The following FOXP1 variants were observed in gnomAD, a reference collection of about 807,000 sequenced individuals.
FOXP1 encodes the protein forkhead box protein P1.
Under a neutral mutation model 98.2 loss-of-function variants are expected in FOXP1, and 15 were observed. The observed-to-expected ratio is 0.15, with a 90% CI of 0.10 to 0.24. The LOEUF (loss-of-function observed/expected upper bound fraction) is 0.24, where lower values mean the gene tolerates loss of function less well. FOXP1 is among the 10% of genes least tolerant of loss of function. The probability of loss-of-function intolerance (pLI) is 1.00; values close to 1 mark genes in which losing one functional copy is unlikely to be tolerated. For synonymous variants in FOXP1, 371 were observed against 314.5 expected, an observed-to-expected ratio of 1.18 and a Z score of -1.90; for missense variants, 633 against 848.5, an observed-to-expected ratio of 0.75 and a Z score of 3.15.
chr3:71,290,170 T>C (rs1398744416), intron 5 of FOXP1, among the ~76,000 whole-genome samples: 1 of 152,126 alleles, frequency 6.6e-6, no homozygotes, highest in African/African-American at 2.4e-5. Context: ...CCTCCAAAAC[T>C]GCCCCACCCA....
At chr3:71,493,336 G>C (rs1407179108) in intron 3 of FOXP1, 90 bp downstream of exon 3, 1 of 152,270 alleles carries the variant, frequency 6.6e-6, no homozygotes, top group South Asian at 2.1e-4. Flanking sequence ...TTCAAGATAA[G>C]AATCTCTCAT....
intron 20 of FOXP1, among the ~76,000 whole-genome samples, chr3:70,962,254 A>C (rs2033717242): frequency 6.6e-6 from 1 of 152,074 alleles, no homozygotes; most frequent in African/African-American, 2.4e-5. Context: ...GCATTTGAGG[A>C]TCATCTTTCT....
intron 2 of FOXP1, among the ~76,000 whole-genome samples, chr3:71,565,338 A>G (rs1458311589): frequency 6.6e-6 from 1 of 152,152 alleles, no homozygotes; most frequent in Non-Finnish European, 1.5e-5. Flanking sequence ...TACCTTTGAA[A>G]CAGTACTTTA....
chr3:71,234,151 A>T (rs1390981620), intron 5 of FOXP1, among the ~76,000 whole-genome samples: 3 of 108,614 alleles, frequency 2.8e-5, no homozygotes, highest in Non-Finnish European at 5.6e-5. Context: ...CATGTTTAAT[A>T]TTATAAGTAA....
chr3:70,992,982 G>C (rs1169719756), intron 13 of FOXP1, among the ~76,000 whole-genome samples: 1 of 152,150 alleles, frequency 6.6e-6, no homozygotes, highest in Non-Finnish European at 1.5e-5. Context: ...CGCTAGTATA[G>C]GAACTGTCCT....
At chr3:71,263,145 C>T (rs2069318985) in intron 5 of FOXP1, among the ~76,000 whole-genome samples, 1 of 152,150 alleles carries the variant, frequency 6.6e-6, no homozygotes. Flanking sequence ...TCACCCTGGG[C>T]TAGGTCACAG....
intron 14 of FOXP1, among the ~76,000 whole-genome samples, chr3:70,983,385 C>G (rs1291897153): frequency 6.6e-6 from 1 of 152,138 alleles, no homozygotes; most frequent in East Asian, 1.9e-4. Flanking sequence ...TTCTCCAACT[C>G]TAAAGCAAGG....
At chr3:71,015,397 C>A in intron 12 of FOXP1, 152 bp downstream of exon 12, 1 of 602,224 alleles carries the variant, frequency 1.7e-6, no homozygotes, top group Non-Finnish European at 3.1e-6. Context: ...TGTAACTATT[C>A]CTATGACAGT....
chr3:71,529,028 T>C (rs1042316589), intron 2 of FOXP1, among the ~76,000 whole-genome samples: 1 of 152,166 alleles, frequency 6.6e-6, no homozygotes, highest in African/African-American at 2.4e-5. Flanking sequence ...GTGTACTCTA[T>C]CTATAAGGCT....
chr3:71,525,718 T>C (rs1402950867), intron 2 of FOXP1, among the ~76,000 whole-genome samples: 1 of 152,214 alleles, frequency 6.6e-6, no homozygotes, highest in African/African-American at 2.4e-5. Flanking sequence ...TACTGGCAAG[T>C]GATTTTCTAA....
intron 6 of FOXP1, among the ~76,000 whole-genome samples, chr3:71,190,644 A>AC (rs1330121128): frequency 2.7e-5 from 4 of 150,384 alleles, no homozygotes; most frequent in Non-Finnish European, 5.9e-5. Flanking sequence ...TCTCCAAAAA[A>AC]AAAAAAAAAA....
chr3:71,143,611 A>C (rs2060170862), intron 6 of FOXP1, among the ~76,000 whole-genome samples: 1 of 152,186 alleles, frequency 6.6e-6, no homozygotes, highest in African/African-American at 2.4e-5. Context: ...TACATAAATT[A>C]GGCTGGGCAC....
intron 6 of FOXP1, among the ~76,000 whole-genome samples, chr3:71,162,575 G>T (rs897489315): frequency 6.6e-6 from 1 of 152,154 alleles, no homozygotes; most frequent in Non-Finnish European, 1.5e-5. Flanking sequence ...AGCAGAGAAC[G>T]TCATAAACAA....
At chr3:71,190,399 C>T (rs544756467) in intron 6 of FOXP1, among the ~76,000 whole-genome samples, 32 of 151,678 alleles carry the variant, frequency 2.1e-4, no homozygotes, top group Admixed American at 1.1e-3. Flanking sequence ...TCGCTTGAGC[C>T]CAGGAGTTCA....
Position 71,250,099 on chromosome 3 carries a change from C to T in FOXP1, c.-12+49721G>A, listed in dbSNP as rs147909477. Among the ~76,000 whole-genome samples the T allele has an allele frequency of 2.5e-3, 386 of 152,330 alleles. 1 individual carries two copies. The highest frequency in any genetic ancestry group is 8.7e-3 in the African/African-American group (362 of 41,580). On this transcript the variant is annotated intron_variant, in intron 5 of 20. Transcript: ENST00000649528. ...GATTTTTTAACCTCAGTACTAGGAA[C>T]ATTTTGAGCCAGAAAATTAATTATT...
intron 3 of FOXP1, among the ~76,000 whole-genome samples, chr3:71,390,027 T>C (rs2108115362): frequency 6.6e-6 from 1 of 152,272 alleles, no homozygotes; most frequent in East Asian, 1.9e-4. Context: ...TCAAATACTA[T>C]TTGCTTTCAC....
At chr3:71,540,716 T>A (rs2044736908) in intron 2 of FOXP1, among the ~76,000 whole-genome samples, 1 of 152,182 alleles carries the variant, frequency 6.6e-6, no homozygotes, top group Non-Finnish European at 1.5e-5. Flanking sequence ...ACTGCCACCG[T>A]TGGCATTTAA....
chr3:71,379,137 C>T (rs940042768), intron 3 of FOXP1, among the ~76,000 whole-genome samples: 1 of 152,094 alleles, frequency 6.6e-6, no homozygotes, highest in African/African-American at 2.4e-5. Flanking sequence ...CTCTTCCTTT[C>T]GCTGCCTCTC....
intron 1 of FOXP1, chr3:71,582,449 C>A (rs1298658581): frequency 1.2e-5 from 12 of 985,152 alleles, no homozygotes; most frequent in Non-Finnish European, 1.4e-5. Context: ...GTCGTCTCGG[C>A]GGGACAGGAA....
Sources: gnomAD v4.1 joint callset for allele counts (sites outside exome capture counted in the v4.1 genomes callset) on GRCh38, gnomAD v4.1.1 for gene constraint, MANE v1.5 for transcripts, NCBI Gene and HGNC (gene_info 2026-07-23, HGNC 2026-07-21) for gene names.